RIMS2: variants seen among roughly 807,000 people sequenced by gnomAD.
The protein encoded by RIMS2 is regulating synaptic membrane exocytosis protein 2.
In RIMS2, 59 loss-of-function variants were observed where a neutral mutation model predicts 174.4. The ratio of observed to expected loss-of-function variants is 0.34; its 90% CI spans 0.27 to 0.42. RIMS2 has a LOEUF of 0.42. RIMS2 is among the 10% of genes least tolerant of loss of function. The probability of loss-of-function intolerance (pLI) is 1.00; values close to 1 mark genes in which losing one functional copy is unlikely to be tolerated. For synonymous variants in RIMS2, 606 were observed against 572.5 expected (o/e 1.06, Z -0.84); for missense variants, 1,620 against 1,666.3 (o/e 0.97, Z 0.48).
intron 3 of RIMS2, among the ~76,000 whole-genome samples, chr8:103,812,570 C>T (rs531739024): frequency 4.6e-5 from 7 of 152,042 alleles, no homozygotes; most frequent in African/African-American, 1.4e-4. Context: ...TTAGTAGAGG[C>T]GAGGTTTCAT....
intron 3 of RIMS2, among the ~76,000 whole-genome samples, chr8:103,854,053 C>G (rs1367200560): frequency 6.6e-6 from 1 of 151,844 alleles, no homozygotes. Flanking sequence ...TGTGTAGACC[C>G]TGATTTGTTT....
chr8:104,020,324 T>A (rs1012723732), intron 19 of RIMS2, among the ~76,000 whole-genome samples: 2 of 151,926 alleles, frequency 1.3e-5, no homozygotes, highest in Admixed American at 1.3e-4. Flanking sequence ...CACCTACTAA[T>A]GGGAAAAAAG....
At chr8:103,865,104 T>A (rs919210955) in intron 3 of RIMS2, among the ~76,000 whole-genome samples, 1 of 151,898 alleles carries the variant, frequency 6.6e-6, no homozygotes, top group Admixed American at 6.6e-5. Context: ...CATATGGGAC[T>A]TGGAGATGTT....
intron 1 of RIMS2, among the ~76,000 whole-genome samples, chr8:103,604,256 A>C (rs189615796): frequency 6.6e-6 from 1 of 151,138 alleles, no homozygotes; most frequent in Non-Finnish European, 1.5e-5. Flanking sequence ...TAAATAGAGA[A>C]TCCTTTCCCC....
chr8:104,100,147 G>A (rs1277381977), intron 19 of RIMS2, among the ~76,000 whole-genome samples: 1 of 151,986 alleles, frequency 6.6e-6, no homozygotes, highest in Non-Finnish European at 1.5e-5. Flanking sequence ...ATGATGTTTT[G>A]TAGTTTTCAG....
intron 1 of RIMS2, among the ~76,000 whole-genome samples, chr8:103,536,426 C>T (rs1412615768): frequency 6.6e-6 from 1 of 152,100 alleles, no homozygotes; most frequent in Non-Finnish European, 1.5e-5. Context: ...GTACATTGGT[C>T]ACTGTATCAG....
rs1428802142 is a variant in RIMS2 at position 103,830,452 on chromosome 8, A to G, written c.699-54846A>G. The stretch of plus-strand genomic sequence containing the variant: ...ATATCTTATTATTTTTTATGATGAC[A>G]TTTTATTCTAGTGAGAGAACATACC... On this transcript the variant is annotated intron_variant, in intron 3 of 23. Coordinates refer to ENST00000504942, the Ensembl canonical transcript of RIMS2. Among the ~76,000 whole-genome samples, 4 of 152,254 alleles carry G rather than the reference A, an allele frequency of 2.6e-5. No individual in the cohort carries two copies. The East Asian group carries it at 7.7e-4, about 29-fold the overall frequency.
chr8:103,580,278 T>C (rs2093527143), intron 1 of RIMS2, among the ~76,000 whole-genome samples: 1 of 152,058 alleles, frequency 6.6e-6, no homozygotes, highest in Non-Finnish European at 1.5e-5. Context: ...ACTCTATGTT[T>C]CTTACCAAAA....
intron 19 of RIMS2, among the ~76,000 whole-genome samples, chr8:104,063,762 T>C (rs1214424624): frequency 6.6e-6 from 1 of 152,208 alleles, no homozygotes; most frequent in East Asian, 1.9e-4. Context: ...TGCCATATTC[T>C]GGTCGCTGTT....
intron 19 of RIMS2, among the ~76,000 whole-genome samples, chr8:104,161,142 A>G (rs2098758090): frequency 6.6e-6 from 1 of 152,180 alleles, no homozygotes; most frequent in African/African-American, 2.4e-5. Context: ...AGCTGTTATT[A>G]ATATTATTGT....
intron 3 of RIMS2, among the ~76,000 whole-genome samples, chr8:103,839,133 A>T (rs1256280261): frequency 6.6e-6 from 1 of 152,160 alleles, no homozygotes; most frequent in East Asian, 1.9e-4. Context: ...CTTTTCCACG[A>T]AATCCTTTTA....
intron 3 of RIMS2, among the ~76,000 whole-genome samples, chr8:103,858,232 T>C (rs923738917): frequency 1.3e-5 from 2 of 152,204 alleles, no homozygotes; most frequent in African/African-American, 4.8e-5. Context: ...GACATTGGCC[T>C]GGCATCTCCT....
intron 19 of RIMS2, among the ~76,000 whole-genome samples, chr8:104,046,854 T>C (rs1049438024): frequency 4.6e-5 from 7 of 152,090 alleles, no homozygotes; most frequent in Admixed American, 4.6e-4. Context: ...CTATGTTCAA[T>C]ACTGGGCTAG....
At chr8:103,967,720 T>C (rs1180378518) in intron 15 of RIMS2, among the ~76,000 whole-genome samples, 1 of 152,298 alleles carries the variant, frequency 6.6e-6, no homozygotes, top group East Asian at 1.9e-4. Flanking sequence ...GTTAGATGCA[T>C]ACACATTAAG....
At chr8:103,980,464 A>G (rs1027776904) in intron 16 of RIMS2, among the ~76,000 whole-genome samples, 1 of 152,126 alleles carries the variant, frequency 6.6e-6, no homozygotes, top group African/African-American at 2.4e-5. Flanking sequence ...GGGCTCTGAG[A>G]TGTGCAGGCT....
At chr8:104,015,297 C>T (rs983422853) in intron 19 of RIMS2, 1 of 477,514 alleles carries the variant, frequency 2.1e-6, no homozygotes, top group Admixed American at 4.0e-5. Flanking sequence ...AATCATTTAA[C>T]TTTTCTCTAG....
intron 1 of RIMS2, among the ~76,000 whole-genome samples, chr8:103,616,133 A>G (rs1288689015): frequency 6.6e-6 from 1 of 152,198 alleles, no homozygotes; most frequent in African/African-American, 2.4e-5. Context: ...AATACTTGCA[A>G]ACTGAATCCA....
chr8:103,610,770 A>C (rs1052702778), intron 1 of RIMS2, among the ~76,000 whole-genome samples: 2 of 152,166 alleles, frequency 1.3e-5, no homozygotes, highest in Non-Finnish European at 2.9e-5. Context: ...TGTACATCAA[A>C]GATATTGGCT....
intron 19 of RIMS2, among the ~76,000 whole-genome samples, chr8:104,169,306 A>ATG (rs1237034797): frequency 2.4e-5 from 1 of 42,516 alleles, no homozygotes; most frequent in Non-Finnish European, 4.5e-5. Context: ...GTTGTTGGCT[A>ATG]TATATATATA....
Sources: gnomAD v4.1 joint callset for allele counts (sites outside exome capture counted in the v4.1 genomes callset) on GRCh38, gnomAD v4.1.1 for gene constraint, MANE v1.5 for transcripts, NCBI Gene and HGNC (gene_info 2026-07-23, HGNC 2026-07-21) for gene names.